PHF12: variants seen among roughly 807,000 people sequenced by gnomAD.
The protein encoded by PHF12 is PHD factor 1.
PHF12 carries 6 observed loss-of-function variants against 99.8 expected under a neutral mutation model. That is an observed-to-expected ratio of 0.06 (90% CI 0.03 to 0.12). The LOEUF is 0.12. PHF12 is among the 10% of genes least tolerant of loss of function. The pLI is 1.00. For synonymous variants in PHF12, 480 were observed against 514.9 expected (o/e 0.93, Z 0.92); for missense variants, 954 against 1,300.1 (o/e 0.73, Z 4.09).
At chr17:28,923,741 G>A (rs1419041237) in intron 4 of PHF12, among the ~76,000 whole-genome samples, 168 bp downstream of exon 4, 1 of 148,168 alleles carries the variant, frequency 6.7e-6, no homozygotes, top group Non-Finnish European at 1.5e-5. Context: ...GGAAAACTGA[G>A]TAAGCTCTGT....
chr17:28,917,451 T>C lies in PHF12; in HGVS notation c.970-2A>G. The C allele has an allele frequency of 6.2e-7, 1 of 1,602,052 alleles. No individual in the cohort carries two copies. The highest frequency in any genetic ancestry group is 1.7e-5 in the Admixed American group (1 of 59,334). On this transcript the variant is annotated splice_acceptor_variant, in intron 6 of 14. Transcript: ENST00000332830. LOFTEE classifies it high-confidence loss of function. ...CAGTGTCATATTCTTCTGGTTCAGC[T>C]AGGGACAAAGCAGACACAACCTTGT...
chr17:28,918,895 TA>T (rs1363239296), intron 6 of PHF12, among the ~76,000 whole-genome samples: 5 of 152,228 alleles, frequency 3.3e-5, no homozygotes, highest in African/African-American at 1.2e-4. Context: ...TAATTCCCTA[TA>T]AGTCACTTAC....
intron 13 of PHF12, 157 bp downstream of exon 13, chr17:28,907,433 C>T (rs755096425): frequency 3.0e-5 from 21 of 698,332 alleles, no homozygotes; most frequent in South Asian, 2.6e-4. Flanking sequence ...TGCTATTTCA[C>T]ATCAAGACTC....
In PHF12 at chr17:28,950,027, G is replaced by A; in HGVS notation, c.248+38C>T. On this transcript the variant is annotated intron_variant, in intron 2 of 14. Coordinates refer to ENST00000332830, the MANE Select transcript of PHF12 (RefSeq NM_001033561.2). This position sits in a 1 kb window ranked among gnomAD's most constrained non-coding sequence, Gnocchi z 5.7. ...CGGGTGAAGGAATGCGCAGAGAAGG[G>A]TCCGCCAAGAAGCTCCAAAAGGGTC... 1 of 1,531,242 alleles carries A rather than the reference G, an allele frequency of 6.5e-7. No homozygotes were observed. Among genetic ancestry groups the A allele is most frequent in the South Asian group, 1.2e-5 (1 of 83,496 alleles). 94.9% of individuals were successfully genotyped at this position (1,531,242 alleles called of 1,614,324 possible). A position where few individuals can be genotyped will look rare whatever the true frequency, so the allele number is the denominator to read the frequency against.
At chr17:28,932,878 G>A (rs975796719) in intron 2 of PHF12, among the ~76,000 whole-genome samples, 1 of 152,178 alleles carries the variant, frequency 6.6e-6, no homozygotes, top group African/African-American at 2.4e-5. Flanking sequence ...CCCAGGAGGT[G>A]GAGGTTGCAG....
Position 28,950,698 on chromosome 17 carries a change from G to C in PHF12, c.66+197C>G. On this transcript the variant is annotated intron_variant, in intron 1 of 14. Transcript: ENST00000332830. The surrounding 1 kb of genome is among the most constrained non-coding windows in gnomAD (Gnocchi z 5.7). ...GAGAGCGAATCGAGGGCGGCGGGTAGGTGAAACTGCTGCAAACGTCCTCGG... is the reference window on the plus strand; with the variant it reads ...GAGAGCGAATCGAGGGCGGCGGGTACGTGAAACTGCTGCAAACGTCCTCGG... 1 of 748,702 alleles carries C rather than the reference G, an allele frequency of 1.3e-6. No homozygotes were observed. Among genetic ancestry groups the C allele is most frequent in the South Asian group, 2.5e-5 (1 of 39,610 alleles). 46.4% of individuals were successfully genotyped at this position (748,702 alleles called of 1,614,324 possible). A position where few individuals can be genotyped will look rare whatever the true frequency, so the allele number is the denominator to read the frequency against.
chr17:28,938,916 T>G (rs1480124371), intron 2 of PHF12, among the ~76,000 whole-genome samples: 1 of 152,202 alleles, frequency 6.6e-6, no homozygotes, highest in Admixed American at 6.5e-5. Flanking sequence ...CACTTTTCTT[T>G]CAGATGGTCC....
chr17:28,912,658 G>A lies in PHF12; in HGVS notation c.1913C>T (p.Thr638Ile). ...IPSSCASIEN[T>I]STLQRKTVQS... ...GACAGTCTTTCTTTGCAAAGTGCTG[G>A]TGTTCTCGATGCTGGCACAAGAGCT... The change falls in exon 9 of 15, where the codon ACC becomes ATC. Residue 638 changes from threonine (T) to isoleucine (I), a missense_variant. Transcript: ENST00000332830. 1 of 1,614,228 alleles carries A rather than the reference G, an allele frequency of 6.2e-7. No homozygotes were observed. The highest frequency in any genetic ancestry group is 8.5e-7 in the Non-Finnish European group (1 of 1,180,054).
rs779375788 is a variant in PHF12 at position 28,950,952 on chromosome 17, C to T, written c.9G>A (p.Glu3=). The T allele has an allele frequency of 3.1e-6, 5 of 1,614,016 alleles. No individual in the cohort carries two copies. In the Admixed American group the frequency reaches 6.7e-5, roughly 22 times the overall value. The change falls in exon 1 of 15, where the codon GAG becomes GAA. Residue 3 remains glutamate (E), a synonymous_variant. Transcript: ENST00000332830. This position sits in a 1 kb window ranked among gnomAD's most constrained non-coding sequence, Gnocchi z 5.7. MW[E]KMETKTIVYD... is the part of the protein sequence containing the mutation. Reference sequence around the variant, plus strand: ...ACACGATCGTCTTGGTCTCCATTTTCTCCCACATTCATCCACCTCCCGGGC... The same window carrying T: ...ACACGATCGTCTTGGTCTCCATTTTTTCCCACATTCATCCACCTCCCGGGC...
intron 10 of PHF12, 88 bp downstream of exon 10, chr17:28,911,024 C>T: frequency 1.9e-6 from 3 of 1,568,786 alleles, no homozygotes; most frequent in Non-Finnish European, 2.6e-6. Flanking sequence ...GTGTCCCTTC[C>T]CTCCCTTTCT....
intron 11 of PHF12, 112 bp downstream of exon 11, chr17:28,910,114 C>A: frequency 6.7e-7 from 1 of 1,487,920 alleles, no homozygotes; most frequent in Non-Finnish European, 9.4e-7. Flanking sequence ...ATGAAAAGCA[C>A]ACAAGGAGGT....
chr17:28,939,063 T>C (rs182571628), intron 2 of PHF12, among the ~76,000 whole-genome samples: 5 of 152,328 alleles, frequency 3.3e-5, no homozygotes, highest in African/African-American at 9.6e-5. Flanking sequence ...AAAATGGAGA[T>C]ACTTTTCTTA....
chr17:28,907,531 C>T, intron 13 of PHF12, 59 bp downstream of exon 13: 1 of 1,553,732 alleles, frequency 6.4e-7, no homozygotes, highest in Non-Finnish European at 8.9e-7. Context: ...CAAAAACCTA[C>T]TGCCTGGGAG....
intron 4 of PHF12, among the ~76,000 whole-genome samples, chr17:28,923,193 C>CACAAAGAA (rs2152666049): frequency 6.6e-6 from 1 of 150,882 alleles, no homozygotes; most frequent in East Asian, 1.9e-4. Flanking sequence ...CTTTTACATG[C>CACAAAGAA]ACAAAGAAAT....
At position 28,950,508 on chromosome 17, in the gene PHF12, C is replaced by T. The variant is rs2040791422; in HGVS notation, c.67-262G>A. On this transcript the variant is annotated intron_variant, in intron 1 of 14. Coordinates refer to ENST00000332830, the MANE Select transcript of PHF12 (RefSeq NM_001033561.2). This position sits in a 1 kb window ranked among gnomAD's most constrained non-coding sequence, Gnocchi z 5.7. ...GGGATGGGAAGAGGGTGCGCGGTTC[C>T]CTTCTTGCCACTTCCTTGTATGGAC... 1.8e-6 allele frequency: 1 copy of T among 558,904 alleles called. No individual in the cohort carries two copies. Among genetic ancestry groups the T allele is most frequent in the Admixed American group, 3.2e-5 (1 of 31,034 alleles). 34.6% of individuals were successfully genotyped at this position (558,904 alleles called of 1,614,324 possible).
chr17:28,912,358 G>C (rs4795475), intron 9 of PHF12, 124 bp downstream of exon 9: 189,295 of 1,424,662 alleles, frequency 0.13, 13,571 homozygotes, highest in South Asian at 0.25. Flanking sequence ...ATGAGAGTAA[G>C]ACAAACAATA....
In PHF12 at chr17:28,950,402, C is replaced by A. The variant is rs745976777; in HGVS notation, c.67-156G>T. On this transcript the variant is annotated intron_variant, in intron 1 of 14. Transcript: ENST00000332830. The surrounding 1 kb of genome is among the most constrained non-coding windows in gnomAD (Gnocchi z 5.7). ...CCCAGAATCTCTCAGCCCCCGGAACCAGGGGGAGCCCACCCTAACCGCGTT... is the reference window on the plus strand; with the variant it reads ...CCCAGAATCTCTCAGCCCCCGGAACAAGGGGGAGCCCACCCTAACCGCGTT... The A allele has an allele frequency of 1.1e-5, 9 of 800,278 alleles. 1 individual carries two copies. The South Asian group carries it at 1.6e-4, about 15-fold the overall frequency. 49.6% of individuals were successfully genotyped at this position (800,278 alleles called of 1,614,324 possible).
In PHF12 at chr17:28,935,583, T is replaced by C. The variant is rs553920964; in HGVS notation, c.249-8520A>G. On this transcript the variant is annotated intron_variant, in intron 2 of 14. Coordinates refer to ENST00000332830, the MANE Select transcript of PHF12 (RefSeq NM_001033561.2). ...CACCACTCCTGGCCCCAGCTCACTA[T>C]TTTAACCACTACCTGATCTTAAAGA... 1.7e-3 allele frequency among the ~76,000 whole-genome samples: 260 copies of C among 152,304 alleles called. 1 individual carries two copies. The highest frequency in any genetic ancestry group is 6.0e-3 in the African/African-American group (251 of 41,566).
At chr17:28,919,781 A>G (rs1281349702) in intron 5 of PHF12, among the ~76,000 whole-genome samples, 1 of 151,974 alleles carries the variant, frequency 6.6e-6, no homozygotes, top group African/African-American at 2.4e-5. Flanking sequence ...AAAAAACAAC[A>G]TGGATGGATT....
Sources: gnomAD v4.1 joint callset for allele counts (sites outside exome capture counted in the v4.1 genomes callset) on GRCh38, gnomAD v4.1.1 for gene constraint, Gnocchi (gnomAD v3.1) non-coding constraint, MANE v1.5 for transcripts, NCBI Gene and HGNC (gene_info 2026-07-23, HGNC 2026-07-21) for gene names.